SPATA16: variants seen among roughly 807,000 people sequenced by gnomAD.
SPATA16 encodes the protein spermatogenesis-associated protein 16.
In SPATA16, 36 loss-of-function variants were observed where a neutral mutation model predicts 63.3. The observed-to-expected ratio is 0.57, with a 90% CI of 0.44 to 0.75. The LOEUF is 0.75. Ranked by LOEUF, SPATA16 falls within the 30% of genes least tolerant of loss-of-function variation. SPATA16 has a pLI of 0.00. For synonymous variants in SPATA16, 203 were observed against 216.7 expected, an observed-to-expected ratio of 0.94 and a Z score of 0.56; for missense variants, 646 against 679.3, an observed-to-expected ratio of 0.95 and a Z score of 0.54.
At chr3:173,022,816 A>G (rs1465994339) in intron 3 of SPATA16, among the ~76,000 whole-genome samples, 3 of 151,974 alleles carry the variant, frequency 2.0e-5, no homozygotes, top group Non-Finnish European at 4.4e-5. Flanking sequence ...ATCACAGAGG[A>G]AAAAACTCTG....
chr3:172,975,102 A>G (rs959282157), intron 5 of SPATA16, among the ~76,000 whole-genome samples: 1 of 152,184 alleles, frequency 6.6e-6, no homozygotes, highest in Non-Finnish European at 1.5e-5. Context: ...AGGGATATTA[A>G]TGCTCTCTGA....
At chr3:173,109,108 C>T (rs1343979120) in intron 2 of SPATA16, among the ~76,000 whole-genome samples, 1 of 152,058 alleles carries the variant, frequency 6.6e-6, no homozygotes, top group East Asian at 1.9e-4. Context: ...GAAAATTCTC[C>T]TACTAAACCC....
At chr3:173,136,536 G>A (rs1738549596) in intron 1 of SPATA16, among the ~76,000 whole-genome samples, 2 of 152,082 alleles carry the variant, frequency 1.3e-5, no homozygotes, top group African/African-American at 4.8e-5. Flanking sequence ...ATTTTAAAAT[G>A]TACAGTTAAG....
rs66806016 is a variant in SPATA16 at position 172,959,787 on chromosome 3, C to CATATATATAT, written c.934-2973_934-2964dup. ...GTTGTAAAGAAATAGAGTAATATAA[C>CATATATATAT]ATATATATATATATATATATATATA... On this transcript the variant is annotated intron_variant, in intron 5 of 10. Transcript: ENST00000351008. Among the ~76,000 whole-genome samples, 910 of 135,370 alleles carry CATATATATAT rather than the reference C, an allele frequency of 6.7e-3. 10 individuals are homozygous for CATATATATAT. The highest frequency in any genetic ancestry group is 0.015 in the African/African-American group (504 of 34,230). 88.8% of individuals were successfully genotyped at this position (135,370 alleles called of 152,430 possible).
chr3:173,020,123 C>T (rs929233882), intron 3 of SPATA16, among the ~76,000 whole-genome samples: 3 of 151,986 alleles, frequency 2.0e-5, no homozygotes, highest in African/African-American at 7.2e-5. Flanking sequence ...TGGTGAAACC[C>T]TGTCTCTACT....
intron 10 of SPATA16, among the ~76,000 whole-genome samples, chr3:172,890,961 AC>A (rs1731882369): frequency 1.3e-5 from 2 of 148,830 alleles, no homozygotes; most frequent in South Asian, 4.2e-4. Context: ...ATATATATAT[AC>A]ATATATATAT....
intron 6 of SPATA16, among the ~76,000 whole-genome samples, chr3:172,933,203 C>T (rs1427059070): frequency 1.3e-5 from 2 of 152,156 alleles, no homozygotes; most frequent in Non-Finnish European, 2.9e-5. Context: ...AGACTCACAT[C>T]ATTGAAACTG....
intron 2 of SPATA16, among the ~76,000 whole-genome samples, chr3:173,112,474 G>A (rs1168500261): frequency 6.6e-6 from 1 of 152,154 alleles, no homozygotes; most frequent in African/African-American, 2.4e-5. Context: ...AACCAGATAA[G>A]CGGATCCCGA....
intron 4 of SPATA16, among the ~76,000 whole-genome samples, chr3:172,979,816 A>C (rs1734257167): frequency 6.6e-6 from 1 of 152,248 alleles, no homozygotes; most frequent in Admixed American, 6.5e-5. Context: ...GCCATACCTC[A>C]GTGAAGCATA....
Position 172,965,204 on chromosome 3 carries a change from TGA to T in SPATA16, c.934-8382_934-8381del, listed in dbSNP as rs372221079. 3.6e-3 allele frequency among the ~76,000 whole-genome samples: 552 copies of T among 152,356 alleles called. 3 individuals carry two copies. The highest frequency in any genetic ancestry group is 0.013 in the African/African-American group (539 of 41,584). ...TCTGTAAAGAGCTTCTACAACATGG[TGA>T]ATTTCACACAGCTACTTCATGACAG... On this transcript the variant is annotated intron_variant, in intron 5 of 10. Coordinates refer to ENST00000351008, the MANE Select transcript of SPATA16 (RefSeq NM_031955.6).
chr3:173,077,324 GA>G (rs1371710823), intron 2 of SPATA16, among the ~76,000 whole-genome samples: 2 of 151,834 alleles, frequency 1.3e-5, no homozygotes, highest in South Asian at 4.2e-4. Context: ...CGGGAATCTA[GA>G]AAAAAACCCT....
intron 6 of SPATA16, among the ~76,000 whole-genome samples, chr3:172,933,810 A>G (rs769920259): frequency 2.0e-5 from 3 of 152,182 alleles, no homozygotes; most frequent in Non-Finnish European, 2.9e-5. Context: ...TTCCTTATAC[A>G]GGGATTTAGC....
intron 10 of SPATA16, among the ~76,000 whole-genome samples, chr3:172,911,589 T>C (rs1221399139): frequency 6.6e-6 from 1 of 152,246 alleles, no homozygotes; most frequent in Non-Finnish European, 1.5e-5. Flanking sequence ...GCATGGTTTC[T>C]TTCTCCCAAC....
intron 4 of SPATA16, among the ~76,000 whole-genome samples, chr3:172,980,844 T>C (rs956119282): frequency 2.6e-5 from 4 of 152,196 alleles, no homozygotes; most frequent in Non-Finnish European, 5.9e-5. Context: ...AATTCTTCCC[T>C]TCACTATTAA....
chr3:173,117,016 C>G (rs570753894), intron 2 of SPATA16, 104 bp downstream of exon 2: 1 of 1,161,760 alleles, frequency 8.6e-7, no homozygotes, highest in South Asian at 1.2e-5. Context: ...ATCCTCACCT[C>G]ATGATCACTG....
chr3:172,958,789 A>G (rs9814222), intron 5 of SPATA16, among the ~76,000 whole-genome samples: 85,490 of 151,558 alleles, frequency 0.56, 24,276 homozygotes, highest in Admixed American at 0.58. Flanking sequence ...GTGTGCACGC[A>G]CGTGTGTGTG....
chr3:172,890,964 T>C (rs1731882641), intron 10 of SPATA16, among the ~76,000 whole-genome samples: 2 of 147,050 alleles, frequency 1.4e-5, no homozygotes, highest in African/African-American at 2.5e-5. Flanking sequence ...TATATATACA[T>C]ATATATATAT....
intron 3 of SPATA16, among the ~76,000 whole-genome samples, chr3:173,023,514 T>A (rs1321145411): frequency 6.6e-6 from 1 of 152,010 alleles, no homozygotes; most frequent in Non-Finnish European, 1.5e-5. Flanking sequence ...CCTGTTGAAC[T>A]TTATCATTTT....
intron 5 of SPATA16, among the ~76,000 whole-genome samples, chr3:172,975,895 G>T (rs1734148251): frequency 1.3e-5 from 2 of 151,804 alleles, no homozygotes; most frequent in Non-Finnish European, 2.9e-5. Flanking sequence ...AAAAACTAGG[G>T]TCCAAGACAT....
Sources: allele counts gnomAD v4.1 joint callset (sites outside exome capture counted in the v4.1 genomes callset), GRCh38; gene constraint gnomAD v4.1.1; transcripts MANE v1.5; gene names NCBI Gene and HGNC (gene_info 2026-07-23, HGNC 2026-07-21).